Variants in GALNTL6 observed in about 807,000 individuals in gnomAD.
GALNTL6 encodes polypeptide N-acetylgalactosaminyltransferase like 6, also known as polypeptide N-acetylgalactosaminyltransferase-like 6.
Under a neutral mutation model 73.7 loss-of-function variants are expected in GALNTL6, and 46 were observed. The ratio of observed to expected loss-of-function variants is 0.62; its 90% CI spans 0.49 to 0.80. The LOEUF (loss-of-function observed/expected upper bound fraction) is 0.80, where lower values mean the gene tolerates loss of function less well. GALNTL6 is among the 30% of genes least tolerant of loss of function. GALNTL6 has a pLI of 0.00. For missense variants in GALNTL6, 604 were observed against 755.0 expected (o/e 0.80, Z 2.34); for synonymous variants, 259 against 263.7 (o/e 0.98, Z 0.17).
intron 2 of GALNTL6, among the ~76,000 whole-genome samples, chr4:171,957,566 C>T (rs945477940): frequency 2.0e-5 from 3 of 152,142 alleles, no homozygotes; most frequent in Admixed American, 6.6e-5. Flanking sequence ...TTTACTTTTC[C>T]AGTTTTCACA....
intron 3 of GALNTL6, among the ~76,000 whole-genome samples, chr4:172,286,418 T>C (rs1199446205): frequency 3.9e-5 from 6 of 152,098 alleles, no homozygotes; most frequent in Non-Finnish European, 7.4e-5. Flanking sequence ...TGCAGATAAA[T>C]AGGATGAGGA....
intron 10 of GALNTL6, among the ~76,000 whole-genome samples, chr4:172,976,376 A>G (rs1579732620): frequency 6.6e-6 from 1 of 152,238 alleles, no homozygotes; most frequent in East Asian, 1.9e-4. Context: ...ACTCTAAGAC[A>G]TAGAAGTCAC....
At chr4:172,264,277 C>A (rs1738358577) in intron 3 of GALNTL6, among the ~76,000 whole-genome samples, 1 of 151,108 alleles carries the variant, frequency 6.6e-6, no homozygotes, top group Non-Finnish European at 1.5e-5. Context: ...ATGCAGTAAT[C>A]TCATTTCTAC....
chr4:172,045,079 A>G (rs1742181340), intron 2 of GALNTL6, among the ~76,000 whole-genome samples: 1 of 152,046 alleles, frequency 6.6e-6, no homozygotes, highest in Non-Finnish European at 1.5e-5. Flanking sequence ...CATGATATAT[A>G]CTAATTAGCT....
At chr4:172,621,261 C>G (rs1361495456) in intron 5 of GALNTL6, among the ~76,000 whole-genome samples, 1 of 152,152 alleles carries the variant, frequency 6.6e-6, no homozygotes, top group Non-Finnish European at 1.5e-5. Context: ...TGCTATGTTG[C>G]CCAGGCTGTT....
intron 10 of GALNTL6, among the ~76,000 whole-genome samples, chr4:173,007,264 CT>C (rs927293817): frequency 3.3e-4 from 50 of 152,164 alleles, no homozygotes; most frequent in Non-Finnish European, 5.9e-5. Context: ...CTTTCCTTAT[CT>C]ACTCATCCAG....
At chr4:172,290,394 T>C (rs376867056) in intron 3 of GALNTL6, among the ~76,000 whole-genome samples, 20 of 152,292 alleles carry the variant, frequency 1.3e-4, no homozygotes, top group African/African-American at 4.6e-4. Context: ...CCTTTGTACT[T>C]AAATCTAGTT....
intron 3 of GALNTL6, among the ~76,000 whole-genome samples, chr4:172,290,084 T>C (rs1739410316): frequency 6.6e-6 from 1 of 152,182 alleles, no homozygotes; most frequent in African/African-American, 2.4e-5. Flanking sequence ...TCTGCTTTAT[T>C]TGGGAAAGAA....
intron 5 of GALNTL6, among the ~76,000 whole-genome samples, chr4:172,772,928 A>G (rs1738860798): frequency 6.6e-6 from 1 of 152,216 alleles, no homozygotes; most frequent in African/African-American, 2.4e-5. Context: ...TGAAAAGGCA[A>G]TGTGACAATG....
intron 5 of GALNTL6, among the ~76,000 whole-genome samples, chr4:172,437,001 C>A (rs1378903420): frequency 6.6e-6 from 1 of 152,096 alleles, no homozygotes; most frequent in Non-Finnish European, 1.5e-5. Context: ...CCCCAATCTT[C>A]ACACAGCTCT....
At chr4:172,966,847 G>A (rs1259783482) in intron 10 of GALNTL6, among the ~76,000 whole-genome samples, 3 of 152,212 alleles carry the variant, frequency 2.0e-5, no homozygotes, top group African/African-American at 4.8e-5. Flanking sequence ...GCAGGCCACC[G>A]TGGGCACTGC....
At chr4:171,956,679 G>T (rs1739059525) in intron 2 of GALNTL6, among the ~76,000 whole-genome samples, 1 of 151,988 alleles carries the variant, frequency 6.6e-6, no homozygotes. Flanking sequence ...TTTATCAGTT[G>T]CAAAACTATT....
intron 2 of GALNTL6, among the ~76,000 whole-genome samples, chr4:172,217,575 TTC>T (rs1463253940): frequency 6.6e-6 from 1 of 152,236 alleles, no homozygotes; most frequent in Non-Finnish European, 1.5e-5. Context: ...AATTCTTCAT[TTC>T]TGTTATAAAT....
intron 5 of GALNTL6, among the ~76,000 whole-genome samples, chr4:172,525,409 G>A (rs1395349344): frequency 2.0e-5 from 3 of 151,978 alleles, no homozygotes; most frequent in African/African-American, 2.4e-5. Context: ...TTAAATTTGT[G>A]TGTAGAGTTC....
intron 2 of GALNTL6, among the ~76,000 whole-genome samples, chr4:172,060,226 C>A (rs1253090011): frequency 1.3e-5 from 2 of 152,014 alleles, no homozygotes; most frequent in African/African-American, 4.8e-5. Flanking sequence ...AAATTGAAGA[C>A]AAAAGCAATT....
At chr4:172,050,095 G>C (rs944103446) in intron 2 of GALNTL6, among the ~76,000 whole-genome samples, 1 of 152,040 alleles carries the variant, frequency 6.6e-6, no homozygotes, top group African/African-American at 2.4e-5. Flanking sequence ...TTTCTGGCTG[G>C]CAGGCTGGAC....
At chr4:172,055,415 T>TA (rs917962494) in intron 2 of GALNTL6, among the ~76,000 whole-genome samples, 3 of 152,142 alleles carry the variant, frequency 2.0e-5, no homozygotes, top group African/African-American at 4.8e-5. Context: ...AGCTCTTTTC[T>TA]AAAAAAATAG....
intron 8 of GALNTL6, among the ~76,000 whole-genome samples, chr4:172,884,945 T>C (rs1745642554): frequency 6.6e-6 from 1 of 152,184 alleles, no homozygotes; most frequent in Non-Finnish European, 1.5e-5. Flanking sequence ...GTGCAAGGAT[T>C]TACTTCTGGG....
intron 3 of GALNTL6, among the ~76,000 whole-genome samples, chr4:172,262,396 T>C (rs1219229820): frequency 6.6e-6 from 1 of 151,256 alleles, no homozygotes; most frequent in East Asian, 1.9e-4. Flanking sequence ...CTTTGTCTTT[T>C]CTGTCATTGC....
Sources: gnomAD v4.1 joint callset for allele counts (sites outside exome capture counted in the v4.1 genomes callset) on GRCh38, gnomAD v4.1.1 for gene constraint, MANE v1.5 for transcripts, NCBI Gene and HGNC (gene_info 2026-07-23, HGNC 2026-07-21) for gene names.